The following SERPINB9 variants were observed in gnomAD, a reference collection of about 807,000 sequenced individuals.
SERPINB9 encodes the protein serpin family B member 9.
Under a neutral mutation model 27.2 loss-of-function variants are expected in SERPINB9, and 20 were observed. The observed-to-expected ratio is 0.74, with a 90% confidence interval of 0.52 to 1.07. The LOEUF is 1.07. SERPINB9 is among the 50% of genes least tolerant of loss of function. The pLI, the probability that SERPINB9 is intolerant of heterozygous loss-of-function variation, is 0.00. For synonymous variants in SERPINB9, 189 were observed against 180.0 expected (o/e 1.05, Z -0.40); for missense variants, 476 against 460.1 (o/e 1.03, Z -0.32).
At position 2,893,660 on chromosome 6, in the gene SERPINB9, C is replaced by A. The variant is rs1046657159; in HGVS notation, c.425-107G>T. On this transcript the variant is annotated intron_variant, in intron 4 of 6. Transcript: ENST00000380698. Reference sequence around the variant, plus strand: ...AAGCAAACTTCTGTTTTCAACTTTGCTGAGTTTGGGTTGTTATGTAGAGAA... The same window carrying A: ...AAGCAAACTTCTGTTTTCAACTTTGATGAGTTTGGGTTGTTATGTAGAGAA... 12 of 1,018,542 alleles carry A rather than the reference C, an allele frequency of 1.2e-5. No homozygotes were observed. The African/African-American group carries it at 1.6e-4, about 14-fold the overall frequency. 63.1% of individuals were successfully genotyped at this position (1,018,542 alleles called of 1,614,324 possible). A position where few individuals can be genotyped will look rare whatever the true frequency, so the allele number is the denominator to read the frequency against.
chr6:2,896,562 T>C (rs1478887000), intron 2 of SERPINB9, among the ~76,000 whole-genome samples: 2 of 152,186 alleles, frequency 1.3e-5, no homozygotes, highest in African/African-American at 4.8e-5. Flanking sequence ...ACATGAGCAA[T>C]GTGATTAATA....
At position 2,903,025 on chromosome 6, in the gene SERPINB9, G is replaced by T. The variant is rs1165709169; in HGVS notation, c.-11+176C>A. Among the ~76,000 whole-genome samples the T allele has an allele frequency of 6.6e-6, 1 of 152,136 alleles. No homozygotes were observed. Among genetic ancestry groups the T allele is most frequent in the Non-Finnish European group, 1.5e-5 (1 of 68,004 alleles). ...GCCGCCAAGGCGGAGACCGGCTGCC[G>T]CTCCCAGGCACCCCCCAGAGACCGT... On this transcript the variant is annotated intron_variant, in intron 1 of 6. Coordinates refer to ENST00000380698, the MANE Select transcript of SERPINB9 (RefSeq NM_004155.6). The surrounding 1 kb of genome is among the most constrained non-coding windows in gnomAD (Gnocchi z 5.2).
chr6:2,888,746 TTAAA>T lies in SERPINB9; in HGVS notation c.*1413_*1416del, dbSNP rs1191402369. 1 of 152,070 alleles carries T rather than the reference TTAAA, an allele frequency of 6.6e-6. No individual in the cohort carries two copies. The highest frequency in any genetic ancestry group is 2.4e-5 in the African/African-American group (1 of 41,386). The allele number at this position is 152,070 out of a possible 1,614,324, so 9.4% of individuals were successfully genotyped here. On this transcript the variant is annotated 3_prime_UTR_variant, in exon 7 of 7. Transcript: ENST00000380698. Reference sequence around the variant, plus strand: ...AGAGGAGAACATTTTTTTTGGAACTTTAAATAAAGGTGGTGGTTATGCAACATTG... The same window carrying T: ...AGAGGAGAACATTTTTTTTGGAACTTTAAAGGTGGTGGTTATGCAACATTG...
At chr6:2,902,495 G>T (rs1768238712) in intron 1 of SERPINB9, among the ~76,000 whole-genome samples, 1 of 152,070 alleles carries the variant, frequency 6.6e-6, no homozygotes, top group Non-Finnish European at 1.5e-5. Flanking sequence ...TTTTTTTGTT[G>T]TTGTTGGTGG....
At position 2,888,759 on chromosome 6, in the gene SERPINB9, G is replaced by A. The variant is rs1257276064; in HGVS notation, c.*1404C>T. The A allele has an allele frequency of 6.6e-6, 1 of 151,920 alleles. No homozygotes were observed. Among genetic ancestry groups the A allele is most frequent in the African/African-American group, 2.4e-5 (1 of 41,334 alleles). The allele number at this position is 151,920 out of a possible 1,614,324, so 9.4% of individuals were successfully genotyped here. ...TTTTTTGGAACTTTAAATAAAGGTGGTGGTTATGCAACATTGTTAACAATA... is the reference window on the plus strand; with the variant it reads ...TTTTTTGGAACTTTAAATAAAGGTGATGGTTATGCAACATTGTTAACAATA... On this transcript the variant is annotated 3_prime_UTR_variant, in exon 7 of 7. Transcript: ENST00000380698.
intron 1 of SERPINB9, among the ~76,000 whole-genome samples, chr6:2,902,661 G>C (rs1768243853): frequency 6.6e-6 from 1 of 152,134 alleles, no homozygotes; most frequent in South Asian, 2.1e-4. Flanking sequence ...ATTATTACAG[G>C]CGTGGGCCAC....
chr6:2,888,514 GTGT>G lies in SERPINB9; in HGVS notation c.*1646_*1648del, dbSNP rs1167972117. 1 of 152,194 alleles carries G rather than the reference GTGT, an allele frequency of 6.6e-6. No individual in the cohort carries two copies. The highest frequency in any genetic ancestry group is 1.5e-5 in the Non-Finnish European group (1 of 68,028). 9.4% of individuals were successfully genotyped at this position (152,194 alleles called of 1,614,324 possible). A position where few individuals can be genotyped will look rare whatever the true frequency, so the allele number is the denominator to read the frequency against. On this transcript the variant is annotated 3_prime_UTR_variant, in exon 7 of 7. Transcript: ENST00000380698. ...AATTTTATTTGGCCATAAAAATGAA[GTGT>G]TGATACATGCTACTATGTAAATAAA...
At position 2,891,889 on chromosome 6, in the gene SERPINB9, T is replaced by C. The variant is rs1252571821; in HGVS notation, c.667A>G (p.Arg223Gly). The C allele has an allele frequency of 6.2e-7, 1 of 1,612,504 alleles. No individual in the cohort carries two copies. The highest frequency in any genetic ancestry group is 8.5e-7 in the Non-Finnish European group (1 of 1,179,838). The change falls in exon 6 of 7, where the codon AGG (arginine) becomes GGG (glycine). Residue 223 changes from arginine (R) to glycine (G), a missense_variant. Coordinates refer to ENST00000380698, the MANE Select transcript of SERPINB9 (RefSeq NM_004155.6). The surrounding 1 kb of genome is among the most constrained non-coding windows in gnomAD (Gnocchi z 4.0). ...RAQLLELPYA[R>G]KELSLLVLLP... ...AGCACCAGCAGGCTCAGCTCCTTCC[T>C]GGCGTAGGGCAGCTCCAGCAGCTGC...
At chr6:2,902,947 A>C (rs1272066440) in intron 1 of SERPINB9, among the ~76,000 whole-genome samples, 1 of 152,156 alleles carries the variant, frequency 6.6e-6, no homozygotes, top group Non-Finnish European at 1.5e-5. Context: ...GGCTTCGGCC[A>C]GGGAAGGGCA....
intron 1 of SERPINB9, 110 bp from the exon 2 acceptor site, chr6:2,900,731 T>C (rs986467453): frequency 6.0e-5 from 59 of 991,108 alleles, no homozygotes; most frequent in Middle Eastern, 4.3e-4. Context: ...TTCTTAAAGT[T>C]CGTAAGTATT....
chr6:2,893,368 ACTT>A lies in SERPINB9; in HGVS notation c.567+40_567+42del, dbSNP rs758176176. Reference sequence around the variant, plus strand: ...TTACAAAGTTAAATCTTTCCATTCAACTTCTTCATCAAACTAGCAGGATTTTAA... The same window carrying A: ...TTACAAAGTTAAATCTTTCCATTCAACTTCATCAAACTAGCAGGATTTTAA... On this transcript the variant is annotated intron_variant, in intron 5 of 6. Transcript: ENST00000380698. 8 of 1,575,082 alleles carry A rather than the reference ACTT, an allele frequency of 5.1e-6. No individual in the cohort carries two copies. In the South Asian group the frequency reaches 5.8e-5, roughly 11 times the overall value.
chr6:2,892,383 A>C (rs978223485), intron 5 of SERPINB9, among the ~76,000 whole-genome samples: 3 of 152,192 alleles, frequency 2.0e-5, no homozygotes, highest in African/African-American at 7.2e-5. Flanking sequence ...CCAACATATG[A>C]GAAAAAAAAT....
Position 2,891,897 on chromosome 6 carries a change from G to A in SERPINB9, c.659C>T (p.Pro220Leu). The change falls in exon 6 of 7, where the codon CCC becomes CTC. Residue 220 changes from proline (P) to leucine (L), a missense_variant. Pro to Leu is a moderately conservative substitution (Grantham distance 98, BLOSUM62 -3). Coordinates refer to ENST00000380698, the MANE Select transcript of SERPINB9 (RefSeq NM_004155.6). This position sits in a 1 kb window ranked among gnomAD's most constrained non-coding sequence, Gnocchi z 4.0. ...GEVRAQLLEL[P>L]YARKELSLLV... ...CAGGCTCAGCTCCTTCCTGGCGTAG[G>A]GCAGCTCCAGCAGCTGCGCGCGCAC... 6.2e-7 allele frequency: 1 copy of A among 1,612,222 alleles called. No individual in the cohort carries two copies. Among genetic ancestry groups the A allele is most frequent in the African/African-American group, 1.3e-5 (1 of 74,832 alleles).
At chr6:2,895,931 AT>A (rs1165337626) in intron 3 of SERPINB9, 121 bp downstream of exon 3, 1 of 1,098,940 alleles carries the variant, frequency 9.1e-7, no homozygotes, top group African/African-American at 1.6e-5. Context: ...AGAAAAAAAA[AT>A]AGTGCAATTT....
chr6:2,893,638 C>A (rs1289064910), intron 4 of SERPINB9, 85 bp from the exon 5 acceptor site: 8 of 1,228,396 alleles, frequency 6.5e-6, no homozygotes, highest in Non-Finnish European at 5.7e-6. Flanking sequence ...AGTTGAGAAG[C>A]AAACTTCTGT....
chr6:2,894,225 T>G lies in SERPINB9; in HGVS notation c.425-672A>C, dbSNP rs1176530739. ...TCCAAGCAGGAATGCGGGAAACAAC[T>G]GCTGAGACTTTAAGCGAAGAACGTC... On this transcript the variant is annotated intron_variant, in intron 4 of 6. Coordinates refer to ENST00000380698, the MANE Select transcript of SERPINB9 (RefSeq NM_004155.6). The surrounding 1 kb of genome is among the most constrained non-coding windows in gnomAD (Gnocchi z 4.7). Among the ~76,000 whole-genome samples, 2 of 152,170 alleles carry G rather than the reference T, an allele frequency of 1.3e-5. No individual in the cohort carries two copies. The highest frequency in any genetic ancestry group is 3.8e-4 in the East Asian group (2 of 5,198).
Position 2,889,281 on chromosome 6 carries a change from T to A in SERPINB9, c.*882A>T, listed in dbSNP as rs1273751534. ...TGGTCATTGTCAAAACTATATACGT[T>A]GGGCACAGAACTGAAGACCAGGTGT... On this transcript the variant is annotated 3_prime_UTR_variant, in exon 7 of 7. Coordinates refer to ENST00000380698, the MANE Select transcript of SERPINB9 (RefSeq NM_004155.6). 1 of 152,266 alleles carries A rather than the reference T, an allele frequency of 6.6e-6. No individual in the cohort carries two copies. The highest frequency in any genetic ancestry group is 1.5e-5 in the Non-Finnish European group (1 of 68,064). 9.4% of individuals were successfully genotyped at this position (152,266 alleles called of 1,614,324 possible).
chr6:2,896,286 T>A, intron 2 of SERPINB9, 96 bp from the exon 3 acceptor site: 1 of 1,116,612 alleles, frequency 9.0e-7, no homozygotes, highest in Non-Finnish European at 1.3e-6. Flanking sequence ...GTAAAAGATG[T>A]AGCCATTCTG....
rs1397616919 is a variant in SERPINB9, at chr6:2,891,375, TG to T, written c.723+457del. 6.6e-6 allele frequency among the ~76,000 whole-genome samples: 1 copy of T among 152,216 alleles called. No individual in the cohort carries two copies. The highest frequency in any genetic ancestry group is 2.4e-5 in the African/African-American group (1 of 41,444). On this transcript the variant is annotated intron_variant, in intron 6 of 6. Transcript: ENST00000380698. The surrounding 1 kb of genome is among the most constrained non-coding windows in gnomAD (Gnocchi z 4.0). ...AAAGCATAATGCTAAGAATGATGAT[TG>T]TAATAATGGATCACATTTGTAGAGC...
Sources: gnomAD v4.1 joint callset for allele counts (sites outside exome capture counted in the v4.1 genomes callset) on GRCh38, gnomAD v4.1.1 for gene constraint, Gnocchi (gnomAD v3.1) non-coding constraint, MANE v1.5 for transcripts, NCBI Gene and HGNC (gene_info 2026-07-23, HGNC 2026-07-21) for gene names.